DPP9: variants seen among roughly 807,000 people sequenced by gnomAD.
DPP9 encodes the protein dipeptidyl peptidase IV-related protein-2.
Under a neutral mutation model 110.7 loss-of-function variants are expected in DPP9, and 50 were observed. The ratio of observed to expected loss-of-function variants is 0.45; its 90% CI spans 0.36 to 0.57. The LOEUF (loss-of-function observed/expected upper bound fraction) is 0.57. DPP9 is among the 20% of genes least tolerant of loss of function. DPP9 has a pLI of 0.00. For synonymous variants in DPP9, 561 were observed against 514.4 expected (o/e 1.09, Z -1.23); for missense variants, 1,022 against 1,217.9 (o/e 0.84, Z 2.39).
intron 21 of DPP9, among the ~76,000 whole-genome samples, chr19:4,678,279 A>G (rs934828231): frequency 6.6e-6 from 1 of 151,268 alleles, no homozygotes; most frequent in African/African-American, 2.4e-5. Context: ...CACTCGGCTA[A>G]TTTTTGTATT....
intron 16 of DPP9, among the ~76,000 whole-genome samples, chr19:4,686,989 G>T (rs908716401): frequency 6.6e-6 from 1 of 152,186 alleles, no homozygotes; most frequent in African/African-American, 2.4e-5. Flanking sequence ...GTCTTCAAAC[G>T]TGGCACAGAT....
At chr19:4,722,349 C>CA (rs920122637) in intron 2 of DPP9, 150 bp downstream of exon 2, 2 of 581,856 alleles carry the variant, frequency 3.4e-6, no homozygotes, top group Non-Finnish European at 6.1e-6. Flanking sequence ...AGCAGGCGCA[C>CA]AAAAAACTGC....
chr19:4,722,460 C>A, intron 2 of DPP9, 39 bp downstream of exon 2: 1 of 702,470 alleles, frequency 1.4e-6, no homozygotes, highest in Non-Finnish European at 2.6e-6. Flanking sequence ...CCAGCCCACA[C>A]CCCAGCCTTC....
At chr19:4,720,417 C>T (rs1004199944) in intron 2 of DPP9, among the ~76,000 whole-genome samples, 5 of 152,216 alleles carry the variant, frequency 3.3e-5, no homozygotes, top group Non-Finnish European at 7.3e-5. Context: ...GCCTGAAATG[C>T]CAGTTCCTGC....
chr19:4,692,210 C>A, intron 13 of DPP9, among the ~76,000 whole-genome samples: 1 of 152,056 alleles, frequency 6.6e-6, no homozygotes, highest in East Asian at 1.9e-4. Flanking sequence ...GGGTTGACTT[C>A]ATGTTTGAAT....
Position 4,682,998 on chromosome 19 carries a change from C to A in DPP9, c.2332-160G>T, listed in dbSNP as rs1302230676. On this transcript the variant is annotated intron_variant, in intron 19 of 21. Coordinates refer to ENST00000262960, the MANE Select transcript of DPP9 (RefSeq NM_139159.5). The surrounding 1 kb of genome is among the most constrained non-coding windows in gnomAD (Gnocchi z 7.1). ...GGAAGGGGCCCTCAGACCGCGTGGCCCCCGTGGACGGTGCGTGGCATGGGG... is the reference window on the plus strand; with the variant it reads ...GGAAGGGGCCCTCAGACCGCGTGGCACCCGTGGACGGTGCGTGGCATGGGG... The A allele has an allele frequency of 1.3e-6, 2 of 1,529,524 alleles. No homozygotes were observed. The highest frequency in any genetic ancestry group is 1.7e-6 in the Non-Finnish European group (2 of 1,144,074). 94.7% of individuals were successfully genotyped at this position (1,529,524 alleles called of 1,614,324 possible).
intron 10 of DPP9, among the ~76,000 whole-genome samples, chr19:4,699,003 C>CA: frequency 6.6e-6 from 1 of 151,430 alleles, no homozygotes; most frequent in Non-Finnish European, 1.5e-5. Flanking sequence ...ATAAAAAATA[C>CA]AAAAAATTAG....
chr19:4,696,680 C>A (rs2091828799), intron 11 of DPP9, among the ~76,000 whole-genome samples: 1 of 151,612 alleles, frequency 6.6e-6, no homozygotes, highest in Admixed American at 6.6e-5. Flanking sequence ...ACCTGGGAGT[C>A]AGAGGTTGCA....
rs1305884740 is a variant in DPP9, at chr19:4,683,577, T to C, written c.2231A>G (p.Lys744Arg). The C allele has an allele frequency of 1.9e-6, 3 of 1,613,556 alleles. No homozygotes were observed. The highest frequency in any genetic ancestry group is 1.7e-6 in the Non-Finnish European group (2 of 1,179,856). The stretch of plus-strand genomic sequence containing the variant: ...TCGGCTCAGGTCGATGAAGCCATAC[T>C]TCTCGGCCACGAACTGCAGGCCCTC... ...QVEGLQFVAEKYGFIDLSRVA... is the reference protein window; with the variant it reads ...QVEGLQFVAERYGFIDLSRVA... The change falls in exon 19 of 22, where the codon AAG becomes AGG. Residue 744 changes from lysine to arginine, a missense_variant. Coordinates refer to ENST00000262960, the MANE Select transcript of DPP9 (RefSeq NM_139159.5).
chr19:4,713,183 C>A (rs2092913772), intron 4 of DPP9, among the ~76,000 whole-genome samples: 1 of 152,256 alleles, frequency 6.6e-6, no homozygotes, highest in Admixed American at 6.5e-5. Context: ...GCCCCAATGT[C>A]CATGGTGCCA....
At chr19:4,706,542 G>C (rs573537877) in intron 4 of DPP9, among the ~76,000 whole-genome samples, 1 of 149,720 alleles carries the variant, frequency 6.7e-6, no homozygotes, top group African/African-American at 2.5e-5. Context: ...AGGGCCAGGC[G>C]ACATGGCTCA....
At position 4,718,539 on chromosome 19, in the gene DPP9, G is replaced by A. The variant is rs1316571758; in HGVS notation, c.56+1312C>T. Reference sequence around the variant, plus strand: ...AGTGCCCCTGCAAGTGGGGGCTGCCGGGGAAACAGCATGCCACCCTCTGTC... The same window carrying A: ...AGTGCCCCTGCAAGTGGGGGCTGCCAGGGAAACAGCATGCCACCCTCTGTC... On this transcript the variant is annotated intron_variant, in intron 3 of 21. Coordinates refer to ENST00000262960, the MANE Select transcript of DPP9 (RefSeq NM_139159.5). This position sits in a 1 kb window ranked among gnomAD's most constrained non-coding sequence, Gnocchi z 4.3. 6.6e-6 allele frequency among the ~76,000 whole-genome samples: 1 copy of A among 152,318 alleles called. No homozygotes were observed. The highest frequency in any genetic ancestry group is 2.4e-5 in the African/African-American group (1 of 41,576).
At chr19:4,691,058 C>A in intron 13 of DPP9, 101 bp from the exon 14 acceptor site, 1 of 837,552 alleles carries the variant, frequency 1.2e-6, no homozygotes, top group Non-Finnish European at 1.9e-6. Flanking sequence ...CACCATGGAG[C>A]CACTGAAACC....
At position 4,716,334 on chromosome 19, in the gene DPP9, C is replaced by T. The variant is rs16992515; in HGVS notation, c.57-1997G>A. Among the ~76,000 whole-genome samples the T allele has an allele frequency of 6.5e-3, 992 of 152,232 alleles. 16 individuals are homozygous for T. The highest frequency in any genetic ancestry group is 0.023 in the African/African-American group (943 of 41,544). On this transcript the variant is annotated intron_variant, in intron 3 of 21. Coordinates refer to ENST00000262960, the MANE Select transcript of DPP9 (RefSeq NM_139159.5). ...AAAGAGCTGCAAGGATGTCAACGAG[C>T]GCCTTTGAAAGATCAGGACTTGGCC...
intron 16 of DPP9, chr19:4,688,166 T>C (rs1426309831): frequency 2.0e-5 from 3 of 152,216 alleles, no homozygotes; most frequent in Non-Finnish European, 4.4e-5. Context: ...TGAAGTGCAG[T>C]GGTACAATCA....
At position 4,694,338 on chromosome 19, in the gene DPP9, G is replaced by A. The variant is rs1320747484; in HGVS notation, c.1516+323C>T. The A allele has an allele frequency of 2.1e-6, 1 of 484,450 alleles. No individual in the cohort carries two copies. Among genetic ancestry groups the A allele is most frequent in the Non-Finnish European group, 3.7e-6 (1 of 273,872 alleles). The allele number at this position is 484,450 out of a possible 1,614,324, so 30.0% of individuals were successfully genotyped here. A position where few individuals can be genotyped will look rare whatever the true frequency, so the allele number is the denominator to read the frequency against. On this transcript the variant is annotated intron_variant, in intron 13 of 21. Coordinates refer to ENST00000262960, the MANE Select transcript of DPP9 (RefSeq NM_139159.5). The surrounding 1 kb of genome is among the most constrained non-coding windows in gnomAD (Gnocchi z 4.0). ...TCTGTAAACAAGTGGCTGTGGCTCA[G>A]TGCCAATAAAACTTTATTTATGAAC...
At chr19:4,705,664 T>C (rs1321764830) in intron 5 of DPP9, among the ~76,000 whole-genome samples, 194 bp downstream of exon 5, 1 of 152,188 alleles carries the variant, frequency 6.6e-6, no homozygotes, top group Non-Finnish European at 1.5e-5. Flanking sequence ...TTGGTAAGAG[T>C]TTCTCTGTCG....
chr19:4,683,742 C>T (rs1206237358), intron 18 of DPP9, 113 bp from the exon 19 acceptor site: 15 of 1,603,342 alleles, frequency 9.4e-6, no homozygotes, highest in Admixed American at 3.4e-5. Context: ...AAAAGTGGCT[C>T]GCTGGAAGCC....
chr19:4,711,865 G>A (rs2092851746), intron 4 of DPP9, among the ~76,000 whole-genome samples: 1 of 151,306 alleles, frequency 6.6e-6, no homozygotes, highest in Non-Finnish European at 1.5e-5. Flanking sequence ...GTGACCATCA[G>A]GCCAGAAGTT....
Sources: gnomAD v4.1 joint callset for allele counts (sites outside exome capture counted in the v4.1 genomes callset) on GRCh38, gnomAD v4.1.1 for gene constraint, Gnocchi (gnomAD v3.1) non-coding constraint, MANE v1.5 for transcripts, NCBI Gene and HGNC (gene_info 2026-07-23, HGNC 2026-07-21) for gene names.